Variants in ARID5B observed in about 807,000 individuals in gnomAD.
ARID5B encodes AT-rich interaction domain 5B.
Under a neutral mutation model 97.2 loss-of-function variants are expected in ARID5B, and 13 were observed. The ratio of observed to expected loss-of-function variants is 0.13; its 90% CI spans 0.09 to 0.21. The LOEUF (loss-of-function observed/expected upper bound fraction) is 0.21. ARID5B is among the 10% of genes least tolerant of loss of function. ARID5B has a pLI of 1.00. For synonymous variants in ARID5B, 556 were observed against 570.3 expected, an observed-to-expected ratio of 0.97 and a Z score of 0.36; for missense variants, 1,210 against 1,465.3, an observed-to-expected ratio of 0.83 and a Z score of 2.84.
At chr10:61,912,141 T>C (rs570995874) in intron 2 of ARID5B, among the ~76,000 whole-genome samples, 4 of 152,348 alleles carry the variant, frequency 2.6e-5, no homozygotes, top group African/African-American at 9.6e-5. Flanking sequence ...TTAAAGCATA[T>C]GTTGTTTCAC....
chr10:62,071,770 C>T (rs1840068966), intron 8 of ARID5B, among the ~76,000 whole-genome samples: 1 of 152,102 alleles, frequency 6.6e-6, no homozygotes, highest in Non-Finnish European at 1.5e-5. Flanking sequence ...AATTAAGAAA[C>T]ATGATTAAAG....
At chr10:62,071,722 C>T (rs181100539) in intron 8 of ARID5B, among the ~76,000 whole-genome samples, 1 of 152,166 alleles carries the variant, frequency 6.6e-6, no homozygotes, top group Admixed American at 6.5e-5. Context: ...CTTTCAATCA[C>T]ATTAGAAAAT....
chr10:61,991,041 T>TACACACACACACACACACACACACAC (rs397802272), intron 3 of ARID5B, among the ~76,000 whole-genome samples: 2 of 145,062 alleles, frequency 1.4e-5, no homozygotes, highest in African/African-American at 5.1e-5. Context: ...ATTTATCCTG[T>TACACACACACACACACACACACACAC]ACACACACAC....
chr10:61,978,631 GGGA>G (rs1480262924), intron 3 of ARID5B, among the ~76,000 whole-genome samples: 1 of 152,138 alleles, frequency 6.6e-6, no homozygotes, highest in Non-Finnish European at 1.5e-5. Flanking sequence ...AATTGTGAAT[GGGA>G]GTTCACTCAT....
chr10:62,071,286 G>A (rs567521628), intron 8 of ARID5B, among the ~76,000 whole-genome samples: 7 of 151,964 alleles, frequency 4.6e-5, no homozygotes, highest in South Asian at 2.1e-4. Flanking sequence ...CACCCACTTC[G>A]GCCTCCCAAA....
chr10:61,976,048 A>T (rs1414559027), intron 3 of ARID5B, among the ~76,000 whole-genome samples: 2 of 152,218 alleles, frequency 1.3e-5, no homozygotes. Context: ...GTTAAGCACT[A>T]GGAATACAGT....
intron 8 of ARID5B, among the ~76,000 whole-genome samples, chr10:62,071,030 CTTTTTT>C (rs565983973): frequency 1.4e-5 from 1 of 71,148 alleles, no homozygotes; most frequent in Non-Finnish European, 2.7e-5. Context: ...TCATTCAGAA[CTTTTTT>C]TTTTTTTTTT....
chr10:62,017,502 T>A (rs880529), intron 4 of ARID5B, among the ~76,000 whole-genome samples: 6,120 of 151,930 alleles, frequency 0.04, 416 homozygotes, highest in African/African-American at 0.14. Context: ...TTTTTTTTTT[T>A]CTTCAAAAAT....
intron 4 of ARID5B, among the ~76,000 whole-genome samples, chr10:62,030,460 C>T (rs115319526): frequency 0.024 from 3,723 of 152,200 alleles, 43 homozygotes; most frequent in African/African-American, 0.031. Flanking sequence ...AGGAACCGCA[C>T]AACAGGAAAA....
At chr10:61,979,904 TA>T (rs1254741538) in intron 3 of ARID5B, among the ~76,000 whole-genome samples, 1 of 152,040 alleles carries the variant, frequency 6.6e-6, no homozygotes, top group Non-Finnish European at 1.5e-5. Context: ...TCAGCCTGGC[TA>T]ACATGGTGAA....
chr10:62,093,197 G>T lies in ARID5B; in HGVS notation c.*167G>T. 1 of 1,062,896 alleles carries T rather than the reference G, an allele frequency of 9.4e-7. No individual in the cohort carries two copies. Among genetic ancestry groups the T allele is most frequent in the Non-Finnish European group, 1.3e-6 (1 of 764,898 alleles). The allele number at this position is 1,062,896 out of a possible 1,614,324, so 65.8% of individuals were successfully genotyped here. A position where few individuals can be genotyped will look rare whatever the true frequency, so the allele number is the denominator to read the frequency against. On this transcript the variant is annotated 3_prime_UTR_variant, in exon 10 of 10. Transcript: ENST00000279873. ...GGAGGTGAACATGCCTGATTTTTGT[G>T]GGACAACTCTAGCCCACAAACTGAC...
chr10:61,950,299 C>T (rs1838305904), intron 3 of ARID5B, among the ~76,000 whole-genome samples: 1 of 152,200 alleles, frequency 6.6e-6, no homozygotes, highest in Admixed American at 6.5e-5. Context: ...AGCCACCATG[C>T]CTGGCCCGGA....
At chr10:62,067,102 TG>T (rs1431982884) in intron 7 of ARID5B, among the ~76,000 whole-genome samples, 7 of 152,098 alleles carry the variant, frequency 4.6e-5, no homozygotes, top group African/African-American at 1.7e-4. Flanking sequence ...TTTTTTTTTT[TG>T]AGACGGAGTT....
chr10:62,008,230 G>A (rs116201369), intron 4 of ARID5B, among the ~76,000 whole-genome samples: 2,149 of 152,242 alleles, frequency 0.014, 56 homozygotes, highest in African/African-American at 0.05. Flanking sequence ...GGATGGATAC[G>A]TTTATAGCGT....
At chr10:61,937,885 G>A (rs909212235) in intron 2 of ARID5B, among the ~76,000 whole-genome samples, 2 of 152,152 alleles carry the variant, frequency 1.3e-5, no homozygotes, top group African/African-American at 2.4e-5. Flanking sequence ...TGGGAGGGGG[G>A]TGTTGGCTTG....
intron 3 of ARID5B, among the ~76,000 whole-genome samples, chr10:61,974,777 C>A (rs541755727): frequency 2.6e-5 from 4 of 152,202 alleles, no homozygotes; most frequent in African/African-American, 7.2e-5. Flanking sequence ...GCTTGCCAAG[C>A]GGTCTAAATC....
chr10:62,062,860 C>T (rs1425663450), intron 7 of ARID5B, among the ~76,000 whole-genome samples: 3 of 150,698 alleles, frequency 2.0e-5, no homozygotes, highest in African/African-American at 4.9e-5. Flanking sequence ...AAAACTGAGG[C>T]ACTGGGAGAT....
chr10:62,045,451 T>A (rs955042715), intron 4 of ARID5B, among the ~76,000 whole-genome samples: 1 of 150,016 alleles, frequency 6.7e-6, no homozygotes, highest in African/African-American at 2.4e-5. Flanking sequence ...CAGGGTATTT[T>A]TTTTTTTTTT....
chr10:62,086,031 C>T (rs1840275590), intron 9 of ARID5B, 131 bp downstream of exon 9: 1 of 949,840 alleles, frequency 1.1e-6, no homozygotes, highest in East Asian at 2.4e-5. Context: ...GAAATCTAAG[C>T]TTCACAGTTC....
Sources: allele counts gnomAD v4.1 joint callset (sites outside exome capture counted in the v4.1 genomes callset), GRCh38; gene constraint gnomAD v4.1.1; transcripts MANE v1.5; gene names NCBI Gene and HGNC (gene_info 2026-07-23, HGNC 2026-07-21).